The following SNX6 variants were observed in gnomAD, a reference collection of about 807,000 sequenced individuals.
SNX6 encodes sorting nexin 6.
In SNX6, 34 loss-of-function variants were observed where a neutral mutation model predicts 63.0. The ratio of observed to expected loss-of-function variants is 0.54; its 90% CI spans 0.41 to 0.72. SNX6 has a LOEUF of 0.72. Ranked by LOEUF, SNX6 falls within the 30% of genes least tolerant of loss-of-function variation. The probability of loss-of-function intolerance (pLI) is 0.00; values close to 1 mark genes in which losing one functional copy is unlikely to be tolerated. For synonymous variants in SNX6, 170 were observed against 164.2 expected, an observed-to-expected ratio of 1.04 and a Z score of -0.27; for missense variants, 398 against 471.4, an observed-to-expected ratio of 0.84 and a Z score of 1.44.
rs566691928 is a variant in SNX6, at chr14:34,596,971, C to G, written c.612+579G>C. On this transcript the variant is annotated intron_variant, in intron 7 of 13. Transcript: ENST00000362031. ...ACAGGCATGGGCCACCTTGCCCGGC[C>G]TCAACTGAGATCTTCTAACTCCAAA... Among the ~76,000 whole-genome samples the G allele has an allele frequency of 3.3e-5, 5 of 152,344 alleles. No homozygotes were observed. The East Asian group carries it at 9.7e-4, about 29-fold the overall frequency.
Position 34,592,411 on chromosome 14 carries a change from G to A in SNX6, c.718+634C>T, listed in dbSNP as rs145314071. 6.6e-3 allele frequency among the ~76,000 whole-genome samples: 997 copies of A among 152,170 alleles called. 11 individuals carry two copies. Among genetic ancestry groups the A allele is most frequent in the African/African-American group, 0.023 (955 of 41,526 alleles). ...AAGAAAAAAAAAAGAGCAAGTGCATGGCCGGAAAGAATATAGAGACTACTC... is the reference window on the plus strand; with the variant it reads ...AAGAAAAAAAAAAGAGCAAGTGCATAGCCGGAAAGAATATAGAGACTACTC... On this transcript the variant is annotated intron_variant, in intron 8 of 13. Transcript: ENST00000362031.
intron 2 of SNX6, among the ~76,000 whole-genome samples, chr14:34,610,385 A>G (rs1471052852): frequency 6.6e-6 from 1 of 151,536 alleles, no homozygotes; most frequent in Non-Finnish European, 1.5e-5. Context: ...TTCTTCCAAA[A>G]AAAAAAACAA....
In SNX6 at chr14:34,567,687, T is replaced by G; in HGVS notation, c.1166A>C (p.Lys389Thr). ...ATTAAATCTTTATTACAACACTACCTTTGCATGCTTCAGTTCTAACTCTGC... is the reference window on the plus strand; with the variant it reads ...ATTAAATCTTTATTACAACACTACCGTTGCATGCTTCAGTTCTAACTCTGC... ...ELAELELKHA[K>T]GNLQLLQNCL... Residue 389 changes from lysine (K) to threonine (T), a missense_variant and splice_region_variant, in exon 13 of 14, where the codon AAG becomes ACG. Lys to Thr is a moderately conservative substitution (Grantham distance 78). Transcript: ENST00000362031. 6.2e-7 allele frequency: 1 copy of G among 1,609,876 alleles called. No individual in the cohort carries two copies. Among genetic ancestry groups the G allele is most frequent in the Non-Finnish European group, 8.5e-7 (1 of 1,176,378 alleles).
intron 8 of SNX6, among the ~76,000 whole-genome samples, chr14:34,587,259 A>G (rs1037442110): frequency 1.6e-4 from 24 of 151,548 alleles, no homozygotes; most frequent in Admixed American, 4.6e-4. Flanking sequence ...ATGGCCGGGC[A>G]CGGTGGCTCA....
In SNX6 at chr14:34,575,930, GT is replaced by G. The variant is rs34357905; in HGVS notation, c.835-89del. ...TTCTTTTTGTTGTTGTTGTTTTTTT[GT>G]TTTTTTTTTTGAGACGGAGTCTTGC... On this transcript the variant is annotated intron_variant, in intron 10 of 13. Coordinates refer to ENST00000362031, the MANE Select transcript of SNX6 (RefSeq NM_152233.4). 2,373 of 520,342 alleles carry G rather than the reference GT, an allele frequency of 4.6e-3. 1 individual carries two copies. The highest frequency in any genetic ancestry group is 0.01 in the East Asian group (205 of 20,270). The allele number at this position is 520,342 out of a possible 1,614,324, so 32.2% of individuals were successfully genotyped here.
chr14:34,572,136 A>G (rs536007559), intron 11 of SNX6, among the ~76,000 whole-genome samples: 60 of 152,336 alleles, frequency 3.9e-4, no homozygotes, highest in Middle Eastern at 6.8e-3. Flanking sequence ...GTTGGTATGT[A>G]TCTTTGCCAG....
At chr14:34,595,383 T>A (rs1882558646) in intron 7 of SNX6, among the ~76,000 whole-genome samples, 1 of 152,170 alleles carries the variant, frequency 6.6e-6, no homozygotes, top group Non-Finnish European at 1.5e-5. Context: ...GTGATCTGCC[T>A]GCCTTGGCCT....
chr14:34,613,449 T>G (rs1471586172), intron 2 of SNX6, among the ~76,000 whole-genome samples: 2 of 152,212 alleles, frequency 1.3e-5, no homozygotes, highest in African/African-American at 4.8e-5. Context: ...TTGCTTAGTC[T>G]AGCATTTCCA....
At chr14:34,623,302 AACAG>A (rs1353463199) in intron 2 of SNX6, among the ~76,000 whole-genome samples, 2 of 152,158 alleles carry the variant, frequency 1.3e-5, no homozygotes, top group African/African-American at 4.8e-5. Context: ...GCATGCATAA[AACAG>A]ACAGTCAAGT....
At chr14:34,609,589 G>A (rs755002755) in intron 3 of SNX6, 49 bp downstream of exon 3, 2 of 1,107,584 alleles carry the variant, frequency 1.8e-6, no homozygotes, top group African/African-American at 1.6e-5. Flanking sequence ...TATCACATAT[G>A]TAGTATAATA....
Position 34,586,235 on chromosome 14 carries a change from T to C in SNX6, c.789A>G (p.Ile263Met). 1 of 1,591,226 alleles carries C rather than the reference T, an allele frequency of 6.3e-7. No homozygotes were observed. The highest frequency in any genetic ancestry group is 8.6e-7 in the Non-Finnish European group (1 of 1,160,960). The change falls in exon 9 of 14, where the codon ATA becomes ATG. Residue 263 changes from isoleucine (I) to methionine (M), a missense_variant. Coordinates refer to ENST00000362031, the MANE Select transcript of SNX6 (RefSeq NM_152233.4). ...TTTTAAATTAGAACACTTACTTGCA[T>C]ATATCTGTAGAATCCTGAGTTCCTA... ...YALGTQDSTD[I>M]CKFFLKVSEL...
chr14:34,608,168 A>T, intron 3 of SNX6, 28 bp from the exon 4 acceptor site: 2 of 1,375,290 alleles, frequency 1.5e-6, no homozygotes. Context: ...TTCTTGAATA[A>T]AAATCAAATT....
intron 11 of SNX6, among the ~76,000 whole-genome samples, chr14:34,569,894 A>T (rs980856956): frequency 3.3e-5 from 5 of 152,184 alleles, no homozygotes; most frequent in African/African-American, 1.2e-4. Context: ...ATTTCTCACT[A>T]TTAAGGAATG....
At chr14:34,596,081 G>A (rs1481838196) in intron 7 of SNX6, among the ~76,000 whole-genome samples, 1 of 151,890 alleles carries the variant, frequency 6.6e-6, no homozygotes, top group African/African-American at 2.4e-5. Flanking sequence ...TTAGCTGGGC[G>A]TGATGGCGGG....
Position 34,583,429 on chromosome 14 carries a change from A to ATTTT in SNX6, c.795-1833_795-1830dup, listed in dbSNP as rs777842190. Among the ~76,000 whole-genome samples, 5 of 73,782 alleles carry ATTTT rather than the reference A, an allele frequency of 6.8e-5. No homozygotes were observed. The South Asian group carries it at 2.2e-3, about 32-fold the overall frequency. 48.4% of individuals were successfully genotyped at this position (73,782 alleles called of 152,430 possible). ...ATTCTTAAGTAGAAATTGGTTATTC[A>ATTTT]TTTTTTTCTTTTTTTTTTTTTTGAG... On this transcript the variant is annotated intron_variant, in intron 9 of 13. Transcript: ENST00000362031.
chr14:34,564,988 T>C (rs1881105866), intron 13 of SNX6, among the ~76,000 whole-genome samples: 1 of 151,980 alleles, frequency 6.6e-6, no homozygotes, highest in Non-Finnish European at 1.5e-5. Context: ...CAAGCATAAA[T>C]GAATGAACTT....
intron 11 of SNX6, among the ~76,000 whole-genome samples, chr14:34,573,828 A>T (rs2138273827): frequency 6.6e-6 from 1 of 151,298 alleles, no homozygotes; most frequent in Admixed American, 6.6e-5. Context: ...TTTTTAGTAG[A>T]GACGGGGTTT....
At chr14:34,601,044 G>A (rs1320175129) in intron 6 of SNX6, among the ~76,000 whole-genome samples, 4 of 151,942 alleles carry the variant, frequency 2.6e-5, no homozygotes, top group Non-Finnish European at 5.9e-5. Context: ...TTTAGGCAGG[G>A]AAGGAAAAAA....
intron 8 of SNX6, among the ~76,000 whole-genome samples, chr14:34,591,961 T>C (rs765203760): frequency 3.3e-5 from 5 of 152,240 alleles, no homozygotes; most frequent in Non-Finnish European, 5.9e-5. Context: ...CTTGAGTATG[T>C]AGCCAAAGTG....
Sources: allele counts gnomAD v4.1 joint callset (sites outside exome capture counted in the v4.1 genomes callset), GRCh38; gene constraint gnomAD v4.1.1; transcripts MANE v1.5; gene names NCBI Gene and HGNC (gene_info 2026-07-23, HGNC 2026-07-21).